Variants in LINGO2 observed in about 807,000 individuals in gnomAD.
The protein encoded by LINGO2 is leucine rich repeat and Ig domain containing 2.
Under a neutral mutation model 30.6 loss-of-function variants are expected in LINGO2, and 14 were observed. That is an observed-to-expected ratio of 0.46 (90% CI 0.30 to 0.72). The LOEUF (loss-of-function observed/expected upper bound fraction) is 0.72, where lower values mean the gene tolerates loss of function less well. Ranked by LOEUF, LINGO2 falls within the 30% of genes least tolerant of loss-of-function variation. The pLI, the probability that LINGO2 is intolerant of heterozygous loss-of-function variation, is 0.07. For missense variants in LINGO2, 729 were observed against 751.7 expected (o/e 0.97, Z 0.35); for synonymous variants, 317 against 288.5 (o/e 1.10, Z -1.00).
chr9:28,632,881 T>TATATAG (rs1554648086), intron 1 of LINGO2, among the ~76,000 whole-genome samples: 2 of 61,914 alleles, frequency 3.2e-5, no homozygotes, highest in Admixed American at 2.4e-4. Flanking sequence ...TATATATATG[T>TATATAG]AGAGAGAGAG....
At chr9:29,142,569 G>T in the LINGO2 span, among the ~76,000 whole-genome samples, 4 of 151,638 alleles carry the variant, frequency 2.6e-5, no homozygotes, top group South Asian at 8.3e-4. Context: ...AGAAATAAAT[G>T]CAATAAAGAA....
chr9:28,504,215 C>T (rs961595278), intron 1 of LINGO2, among the ~76,000 whole-genome samples: 2 of 151,818 alleles, frequency 1.3e-5, no homozygotes, highest in African/African-American at 4.8e-5. Context: ...AATCATACTT[C>T]CATCATTTCT....
intron 1 of LINGO2, among the ~76,000 whole-genome samples, chr9:28,495,365 C>A (rs941082285): frequency 6.6e-6 from 1 of 152,182 alleles, no homozygotes; most frequent in African/African-American, 2.4e-5. Flanking sequence ...ACATTTAAGT[C>A]TTTAATCCAT....
At chr9:27,955,006 G>A (rs1042472034) in intron 5 of LINGO2, among the ~76,000 whole-genome samples, 4 of 152,090 alleles carry the variant, frequency 2.6e-5, no homozygotes, top group South Asian at 2.1e-4. Context: ...GATTACTGAC[G>A]TTGAGCATGC....
At chr9:28,498,677 C>T (rs1249683237) in intron 1 of LINGO2, among the ~76,000 whole-genome samples, 1 of 152,128 alleles carries the variant, frequency 6.6e-6, no homozygotes, top group South Asian at 2.1e-4. Context: ...CACCCACTCT[C>T]CAACAAACCC....
intron 4 of LINGO2, among the ~76,000 whole-genome samples, chr9:28,025,390 CTT>C (rs1426581320): frequency 2.0e-5 from 3 of 152,166 alleles, no homozygotes; most frequent in African/African-American, 7.2e-5. Flanking sequence ...AATACTATCT[CTT>C]TTGGCAGCGC....
chr9:28,215,916 G>GCAAA lies in LINGO2; in HGVS notation c.-87+79288_-87+79291dup, dbSNP rs751271966. 9.9e-5 allele frequency among the ~76,000 whole-genome samples: 15 copies of GCAAA among 151,948 alleles called. No individual in the cohort carries two copies. The South Asian group carries it at 3.1e-3, about 31-fold the overall frequency. ...TGTAGCCCAGAGAAAGAATAAAGAA[G>GCAAA]CAAACACTGTGAGCTATGAGAGTCA... On this transcript the variant is annotated intron_variant, in intron 4 of 5. Transcript: ENST00000379992.
At position 28,002,869 on chromosome 9, in the gene LINGO2, A is replaced by G. The variant is rs925469745; in HGVS notation, c.-36+9486T>C. On this transcript the variant is annotated intron_variant, in intron 5 of 5. Transcript: ENST00000379992. Reference sequence around the variant, plus strand: ...ATGTTAGCTGCGTTGGTGTGTTTCAATCGTGTGGTGTGTTCTAATCCCAGT... The same window carrying G: ...ATGTTAGCTGCGTTGGTGTGTTTCAGTCGTGTGGTGTGTTCTAATCCCAGT... Among the ~76,000 whole-genome samples the G allele has an allele frequency of 3.9e-5, 6 of 151,996 alleles. No homozygotes were observed. The South Asian group carries it at 6.2e-4, about 16-fold the overall frequency.
chr9:28,295,708 TCTA>T (rs1823897414), intron 3 of LINGO2, among the ~76,000 whole-genome samples: 1 of 152,150 alleles, frequency 6.6e-6, no homozygotes, highest in African/African-American at 2.4e-5. Flanking sequence ...AGAGTATTCT[TCTA>T]CTTTACCCAT....
rs75669720 is a variant in LINGO2, at chr9:28,423,032, T to G, written c.-278-50164A>C. On this transcript the variant is annotated intron_variant, in intron 2 of 5. Coordinates refer to ENST00000379992, the Ensembl canonical transcript of LINGO2. The stretch of plus-strand genomic sequence containing the variant: ...GCCAGGGGCTGGGAGGAAGGAGGGA[T>G]GGAAAGTTATTTGTTCATGGATACA... 4.8e-4 allele frequency among the ~76,000 whole-genome samples: 73 copies of G among 152,074 alleles called. 2 individuals are homozygous for G. In the East Asian group the frequency reaches 0.013, roughly 27 times the overall value.
the LINGO2 span, among the ~76,000 whole-genome samples, chr9:28,709,433 A>T: frequency 6.6e-6 from 1 of 152,074 alleles, no homozygotes; most frequent in African/African-American, 2.4e-5. Context: ...AATTTTAGAA[A>T]GATAAATTTT....
chr9:28,246,101 T>C (rs952897192), intron 4 of LINGO2, among the ~76,000 whole-genome samples: 2 of 151,760 alleles, frequency 1.3e-5, no homozygotes, highest in African/African-American at 2.4e-5. Context: ...AACAGACACA[T>C]AGACAACTGG....
chr9:29,101,412 G>A, the LINGO2 span, among the ~76,000 whole-genome samples: 2 of 152,168 alleles, frequency 1.3e-5, no homozygotes, highest in African/African-American at 2.4e-5. Context: ...CACATTCAGA[G>A]AATTATTCAA....
chr9:28,303,425 C>T (rs1197468238), intron 3 of LINGO2, among the ~76,000 whole-genome samples: 1 of 151,938 alleles, frequency 6.6e-6, no homozygotes, highest in Non-Finnish European at 1.5e-5. Flanking sequence ...GGGAGTGACA[C>T]AAAGGTTTTT....
In LINGO2 at chr9:28,669,213, A is replaced by G. The variant is rs957047835; in HGVS notation, c.-365+987T>C. ...TGTATTCACCATTCCTACCTGGGTA[A>G]TCACCTATGTACAACTCCCTGCTTC... On this transcript the variant is annotated intron_variant, in intron 1 of 5. Transcript: ENST00000379992. Among the ~76,000 whole-genome samples, 6 of 152,206 alleles carry G rather than the reference A, an allele frequency of 3.9e-5. No individual in the cohort carries two copies. In the South Asian group the frequency reaches 1.2e-3, roughly 32 times the overall value.
the LINGO2 span, among the ~76,000 whole-genome samples, chr9:28,991,412 G>A: frequency 1.3e-5 from 2 of 150,702 alleles, no homozygotes; most frequent in Non-Finnish European, 3.0e-5. Flanking sequence ...AACTGATGGG[G>A]AGAATGGAAC....
intron 2 of LINGO2, among the ~76,000 whole-genome samples, chr9:28,412,181 A>G: frequency 1.4e-5 from 1 of 69,026 alleles, no homozygotes. Flanking sequence ...TCCCACTTGT[A>G]AGTGAAAAAA....
chr9:28,100,508 C>A (rs1826381962), intron 4 of LINGO2, among the ~76,000 whole-genome samples: 1 of 152,134 alleles, frequency 6.6e-6, no homozygotes, highest in Non-Finnish European at 1.5e-5. Flanking sequence ...GAACTAAAAA[C>A]TTGCCCTATT....
At chr9:28,447,444 A>G (rs1824469240) in intron 2 of LINGO2, among the ~76,000 whole-genome samples, 1 of 152,176 alleles carries the variant, frequency 6.6e-6, no homozygotes, top group African/African-American at 2.4e-5. Flanking sequence ...TAGTGCCTTG[A>G]TCTTGGACTT....
Sources: allele counts gnomAD v4.1 joint callset (sites outside exome capture counted in the v4.1 genomes callset), GRCh38; gene constraint gnomAD v4.1.1; transcripts MANE v1.5; gene names NCBI Gene and HGNC (gene_info 2026-07-23, HGNC 2026-07-21).